SMURF2: variants seen among roughly 807,000 people sequenced by gnomAD.
SMURF2 encodes the protein E3 ubiquitin-protein ligase SMURF2.
SMURF2 carries 48 observed loss-of-function variants against 109.6 expected under a neutral mutation model. The ratio of observed to expected loss-of-function variants is 0.44; its 90% confidence interval spans 0.35 to 0.56. The LOEUF is 0.56. Among genes scored for constraint, SMURF2 ranks in the 20% least tolerant of loss-of-function variants. The pLI, the probability that SMURF2 is intolerant of heterozygous loss-of-function variation, is 0.01. For synonymous variants in SMURF2, 288 were observed against 317.1 expected (o/e 0.91, Z 0.97); for missense variants, 575 against 909.0 (o/e 0.63, Z 4.72).
chr17:64,631,868 G>A (rs1555691625), intron 1 of SMURF2, among the ~76,000 whole-genome samples: 1 of 150,126 alleles, frequency 6.7e-6, no homozygotes, highest in African/African-American at 2.5e-5. Context: ...AGCAACATGG[G>A]GTCAGCAAAA....
At chr17:64,624,651 A>C (rs902012821) in intron 1 of SMURF2, among the ~76,000 whole-genome samples, 1 of 151,880 alleles carries the variant, frequency 6.6e-6, no homozygotes, top group Non-Finnish European at 1.5e-5. Flanking sequence ...GTGAGACCTC[A>C]TCTCTACAAA....
intron 1 of SMURF2, among the ~76,000 whole-genome samples, chr17:64,627,486 G>A (rs1970283851): frequency 2.0e-5 from 3 of 152,140 alleles, no homozygotes; most frequent in Admixed American, 2.0e-4. Flanking sequence ...GATGAGTTGA[G>A]AAACAGATTA....
intron 1 of SMURF2, among the ~76,000 whole-genome samples, chr17:64,636,420 T>C (rs961759014): frequency 6.6e-6 from 1 of 151,966 alleles, no homozygotes. Context: ...CTGGCCAACA[T>C]GGCAAAACTC....
chr17:64,660,325 C>T (rs553612470), intron 1 of SMURF2, among the ~76,000 whole-genome samples: 1 of 152,112 alleles, frequency 6.6e-6, no homozygotes, highest in East Asian at 1.9e-4. Context: ...AACAGATAAA[C>T]TCTAAAGCAA....
At chr17:64,582,647 G>A (rs959376667) in intron 7 of SMURF2, among the ~76,000 whole-genome samples, 4 of 151,970 alleles carry the variant, frequency 2.6e-5, no homozygotes, top group African/African-American at 7.3e-5. Flanking sequence ...CGCCCAGGCC[G>A]GAGTGCAGTG....
intron 1 of SMURF2, among the ~76,000 whole-genome samples, chr17:64,621,050 G>C (rs1555690558): frequency 6.6e-6 from 1 of 152,150 alleles, no homozygotes; most frequent in Non-Finnish European, 1.5e-5. Context: ...ATTCACAATA[G>C]AAAAGTATAT....
intron 1 of SMURF2, among the ~76,000 whole-genome samples, chr17:64,643,440 T>C (rs1326500699): frequency 6.6e-6 from 1 of 152,232 alleles, no homozygotes; most frequent in Non-Finnish European, 1.5e-5. Flanking sequence ...AGATCTATTC[T>C]CCATCCTTTA....
intron 1 of SMURF2, among the ~76,000 whole-genome samples, chr17:64,624,911 G>C (rs1413419879): frequency 1.3e-5 from 2 of 152,154 alleles, no homozygotes; most frequent in African/African-American, 2.4e-5. Flanking sequence ...TAGAGGATAA[G>C]TGATCTGTGG....
intron 1 of SMURF2, among the ~76,000 whole-genome samples, chr17:64,608,811 G>T (rs116800626): frequency 6.6e-6 from 1 of 151,798 alleles, no homozygotes; most frequent in Non-Finnish European, 1.5e-5. Context: ...CCATGTTCTC[G>T]GGGATCTTCA....
At chr17:64,590,049 A>C (rs1259731334) in intron 5 of SMURF2, among the ~76,000 whole-genome samples, 1 of 152,076 alleles carries the variant, frequency 6.6e-6, no homozygotes, top group Non-Finnish European at 1.5e-5. Flanking sequence ...AAGTACCTTC[A>C]GTAACTAAAA....
intron 7 of SMURF2, among the ~76,000 whole-genome samples, chr17:64,582,542 A>G (rs1598281382): frequency 1.3e-5 from 2 of 152,226 alleles, no homozygotes; most frequent in African/African-American, 4.8e-5. Flanking sequence ...TTCAAGATTT[A>G]GTTCAGAGAT....
intron 1 of SMURF2, among the ~76,000 whole-genome samples, chr17:64,632,361 C>T (rs1568203498): frequency 6.6e-6 from 1 of 152,172 alleles, no homozygotes; most frequent in Non-Finnish European, 1.5e-5. Context: ...ATGTCCGGAG[C>T]TAGACTGGCC....
chr17:64,631,768 ATAAT>A (rs548403569), intron 1 of SMURF2, among the ~76,000 whole-genome samples: 158 of 152,332 alleles, frequency 1.0e-3, no homozygotes, highest in African/African-American at 3.6e-3. Flanking sequence ...TATTTACACA[ATAAT>A]TAATATGCAT....
At position 64,629,993 on chromosome 17, in the gene SMURF2, T is replaced by C. The variant is rs368305136; in HGVS notation, c.53-23353A>G. On this transcript the variant is annotated intron_variant, in intron 1 of 18. Coordinates refer to ENST00000262435, the MANE Select transcript of SMURF2 (RefSeq NM_022739.4). ...TGGCTCACGCCTGTAATCCCAGGAC[T>C]TTGGGAGGTCGAGGTGGGCAGATCA... 1.2e-4 allele frequency among the ~76,000 whole-genome samples: 19 copies of C among 152,016 alleles called. No individual in the cohort carries two copies. The East Asian group carries it at 1.7e-3, about 14-fold the overall frequency.
At chr17:64,561,376 C>G in intron 12 of SMURF2, 124 bp downstream of exon 12, 2 of 654,338 alleles carry the variant, frequency 3.1e-6, no homozygotes, top group South Asian at 3.8e-5. Flanking sequence ...AGGATATCCT[C>G]AGTGATACAA....
At chr17:64,605,559 C>A (rs911439761) in intron 2 of SMURF2, among the ~76,000 whole-genome samples, 1 of 150,898 alleles carries the variant, frequency 6.6e-6, no homozygotes, top group Non-Finnish European at 1.5e-5. Context: ...CCTGCCTCTA[C>A]AAAGAATAGT....
intron 1 of SMURF2, among the ~76,000 whole-genome samples, chr17:64,643,560 C>A (rs2144724640): frequency 6.6e-6 from 1 of 152,264 alleles, no homozygotes; most frequent in Admixed American, 6.5e-5. Flanking sequence ...TCTCTCTGGA[C>A]TCCCACAACT....
intron 1 of SMURF2, among the ~76,000 whole-genome samples, chr17:64,631,248 A>G: frequency 1.3e-5 from 1 of 78,372 alleles, no homozygotes; most frequent in Non-Finnish European, 2.3e-5. Context: ...AGAGGGAGGG[A>G]GGAATGGAGG....
rs138318366 is a variant in SMURF2 at position 64,637,989 on chromosome 17, T to C, written c.52+23840A>G. 6.7e-5 allele frequency among the ~76,000 whole-genome samples: 10 copies of C among 150,224 alleles called. 1 individual carries two copies. In the East Asian group the frequency reaches 1.6e-3, roughly 23 times the overall value. On this transcript the variant is annotated intron_variant, in intron 1 of 18. Coordinates refer to ENST00000262435, the MANE Select transcript of SMURF2 (RefSeq NM_022739.4). ...AATTTTCTTTCTGGACTTTCTATTC[T>C]ATTCCATTGATCTATATCTCAATCC...
Sources: allele counts gnomAD v4.1 joint callset (sites outside exome capture counted in the v4.1 genomes callset), GRCh38; gene constraint gnomAD v4.1.1; transcripts MANE v1.5; gene names NCBI Gene and HGNC (gene_info 2026-07-23, HGNC 2026-07-21).